PDZRN4: variants seen among roughly 807,000 people sequenced by gnomAD.
The protein encoded by PDZRN4 is PDZ domain-containing RING finger protein 4.
Under a neutral mutation model 99.0 loss-of-function variants are expected in PDZRN4, and 70 were observed. The ratio of observed to expected loss-of-function variants is 0.71; its 90% CI spans 0.58 to 0.86. The LOEUF (loss-of-function observed/expected upper bound fraction) is 0.86. Ranked by LOEUF, PDZRN4 falls within the 40% of genes least tolerant of loss-of-function variation. PDZRN4 has a pLI of 0.00. For missense variants in PDZRN4, 1,474 were observed against 1,331.2 expected (o/e 1.11, Z -1.67); for synonymous variants, 551 against 501.6 (o/e 1.10, Z -1.32).
chr12:41,341,966 T>G (rs1273927963), intron 3 of PDZRN4, among the ~76,000 whole-genome samples: 3 of 151,876 alleles, frequency 2.0e-5, no homozygotes, highest in African/African-American at 7.2e-5. Flanking sequence ...AAAGCTGCAG[T>G]AACCAAAACA....
intron 5 of PDZRN4, among the ~76,000 whole-genome samples, chr12:41,516,942 G>A (rs545385949): frequency 6.6e-6 from 1 of 152,056 alleles, no homozygotes; most frequent in South Asian, 2.1e-4. Context: ...TAAATTGCAT[G>A]ATTTCCCTAA....
At chr12:41,240,018 G>A (rs1328294130) in intron 3 of PDZRN4, among the ~76,000 whole-genome samples, 2 of 152,166 alleles carry the variant, frequency 1.3e-5, no homozygotes, top group Non-Finnish European at 2.9e-5. Context: ...GCCCACTTGG[G>A]CAGCATGGAG....
Position 41,429,258 on chromosome 12 carries a change from C to CTG in PDZRN4, c.844-77197_844-77196dup, listed in dbSNP as rs1423377343. 5.9e-5 allele frequency among the ~76,000 whole-genome samples: 9 copies of CTG among 152,286 alleles called. No homozygotes were observed. In the East Asian group the frequency reaches 1.7e-3, roughly 29 times the overall value. On this transcript the variant is annotated intron_variant, in intron 3 of 9. Coordinates refer to ENST00000402685, the MANE Select transcript of PDZRN4 (RefSeq NM_001164595.2). ...TCCTTAAAACAGAGATGTAAAATGA[C>CTG]TGCCCTAATATCAGCCCATATATTG... is the stretch of plus-strand genomic sequence containing the variant.
At chr12:41,201,134 A>G (rs535699190) in intron 3 of PDZRN4, among the ~76,000 whole-genome samples, 39 of 149,198 alleles carry the variant, frequency 2.6e-4, no homozygotes, top group Non-Finnish European at 3.7e-4. Flanking sequence ...AAGCAAAAAT[A>G]GCCGTTTGAA....
At chr12:41,411,985 T>C (rs982188503) in intron 3 of PDZRN4, 5 of 152,220 alleles carry the variant, frequency 3.3e-5, no homozygotes, top group Admixed American at 3.3e-4. Context: ...TATACATTTA[T>C]ATATGATCTT....
chr12:41,477,670 G>A (rs1299921920), intron 3 of PDZRN4, among the ~76,000 whole-genome samples: 1 of 152,034 alleles, frequency 6.6e-6, no homozygotes, highest in African/African-American at 2.4e-5. Context: ...TTCAAAACTG[G>A]CATGATGTAC....
At chr12:41,394,221 A>C (rs1287874024) in intron 3 of PDZRN4, among the ~76,000 whole-genome samples, 1 of 152,062 alleles carries the variant, frequency 6.6e-6, no homozygotes, top group East Asian at 1.9e-4. Flanking sequence ...GGGATTCTCC[A>C]TCATGACCTA....
intron 3 of PDZRN4, among the ~76,000 whole-genome samples, chr12:41,421,861 T>C (rs1292987786): frequency 1.3e-5 from 2 of 152,210 alleles, no homozygotes; most frequent in Non-Finnish European, 2.9e-5. Context: ...CATGTACATG[T>C]ATCATATGTT....
chr12:41,194,501 C>T (rs1254714040), intron 3 of PDZRN4, among the ~76,000 whole-genome samples: 3 of 152,026 alleles, frequency 2.0e-5, no homozygotes, highest in Non-Finnish European at 4.4e-5. Flanking sequence ...ATTAGCTGGG[C>T]ATGGTGGCAC....
intron 3 of PDZRN4, among the ~76,000 whole-genome samples, chr12:41,434,893 C>A (rs985683145): frequency 1.2e-4 from 19 of 152,252 alleles, no homozygotes; most frequent in African/African-American, 4.6e-4. Flanking sequence ...CAGATGAATG[C>A]TTTTGTCCCT....
At chr12:41,448,766 TTCA>T (rs1486086253) in intron 3 of PDZRN4, among the ~76,000 whole-genome samples, 1 of 152,108 alleles carries the variant, frequency 6.6e-6, no homozygotes, top group Admixed American at 6.6e-5. Flanking sequence ...AATTATGAGG[TTCA>T]TCATCAAATT....
At chr12:41,248,669 T>C (rs1951149244) in intron 3 of PDZRN4, among the ~76,000 whole-genome samples, 1 of 152,138 alleles carries the variant, frequency 6.6e-6, no homozygotes, top group Non-Finnish European at 1.5e-5. Context: ...TATTGTGAGC[T>C]CTAACATATT....
intron 3 of PDZRN4, among the ~76,000 whole-genome samples, chr12:41,288,797 T>C (rs1212175084): frequency 2.6e-5 from 4 of 152,142 alleles, no homozygotes; most frequent in Non-Finnish European, 4.4e-5. Flanking sequence ...TTTAAATTGA[T>C]TGTGTAGGAT....
chr12:41,568,648 A>G, intron 9 of PDZRN4, among the ~76,000 whole-genome samples: 1 of 152,120 alleles, frequency 6.6e-6, no homozygotes. Flanking sequence ...TGTGATTAGT[A>G]TATTATTTTT....
chr12:41,413,844 A>T (rs1385397481), intron 3 of PDZRN4, among the ~76,000 whole-genome samples: 3 of 152,032 alleles, frequency 2.0e-5, no homozygotes, highest in Non-Finnish European at 2.9e-5. Flanking sequence ...TGAGGTTTTG[A>T]TCCTACCATG....
At chr12:41,328,836 A>AT (rs1951725959) in intron 3 of PDZRN4, among the ~76,000 whole-genome samples, 1 of 152,136 alleles carries the variant, frequency 6.6e-6, no homozygotes, top group African/African-American at 2.4e-5. Context: ...AGTGGACTTT[A>AT]TTTTGTGACT....
At chr12:41,441,197 C>G (rs1952678214) in intron 3 of PDZRN4, among the ~76,000 whole-genome samples, 1 of 152,120 alleles carries the variant, frequency 6.6e-6, no homozygotes. Context: ...TCATCTAAAT[C>G]TCATATTGTG....
chr12:41,534,757 A>G (rs1021556652), intron 5 of PDZRN4, among the ~76,000 whole-genome samples: 1 of 152,212 alleles, frequency 6.6e-6, no homozygotes, highest in Non-Finnish European at 1.5e-5. Context: ...TTGTCTCAGC[A>G]CAATAAAGAT....
chr12:41,544,870 G>GAATT (rs1376256064), intron 5 of PDZRN4, among the ~76,000 whole-genome samples: 16 of 152,154 alleles, frequency 1.1e-4, no homozygotes, highest in Non-Finnish European at 1.6e-4. Flanking sequence ...AGGTCCCTTA[G>GAATT]CTAGAATGTG....
Sources: allele counts gnomAD v4.1 joint callset (sites outside exome capture counted in the v4.1 genomes callset), GRCh38; gene constraint gnomAD v4.1.1; transcripts MANE v1.5; gene names NCBI Gene and HGNC (gene_info 2026-07-23, HGNC 2026-07-21).